The following RNGTT variants were observed in gnomAD, a reference collection of about 807,000 sequenced individuals.
RNGTT encodes the protein mRNA-capping enzyme.
RNGTT carries 33 observed loss-of-function variants against 79.3 expected under a neutral mutation model. The ratio of observed to expected loss-of-function variants is 0.42; its 90% CI spans 0.32 to 0.56. RNGTT has a LOEUF of 0.56. Among genes scored for constraint, RNGTT ranks in the 20% least tolerant of loss-of-function variants. The probability of loss-of-function intolerance (pLI) is 0.17; values close to 1 mark genes in which losing one functional copy is unlikely to be tolerated. For synonymous variants in RNGTT, 222 were observed against 235.9 expected (o/e 0.94, Z 0.54); for missense variants, 497 against 739.1 (o/e 0.67, Z 3.80).
chr6:88,673,104 G>C (rs917927356), intron 14 of RNGTT, among the ~76,000 whole-genome samples: 36 of 152,048 alleles, frequency 2.4e-4, no homozygotes, highest in African/African-American at 7.7e-4. Context: ...AATATCTCTA[G>C]CAAACACTGC....
chr6:88,886,538 T>C (rs1782868763), intron 8 of RNGTT, among the ~76,000 whole-genome samples: 1 of 152,224 alleles, frequency 6.6e-6, no homozygotes, highest in African/African-American at 2.4e-5. Flanking sequence ...TGGAAATTCT[T>C]TGTACTATTT....
In RNGTT at chr6:88,810,223, A is replaced by G. The variant is rs547614837; in HGVS notation, c.1270-8591T>C. 2.6e-5 allele frequency among the ~76,000 whole-genome samples: 4 copies of G among 152,332 alleles called. No individual in the cohort carries two copies. The South Asian group carries it at 8.3e-4, about 32-fold the overall frequency. ...CTGAGATAGTGTACACAATAAAAAC[A>G]ACTTCTCCCCTCCTAAGGCTAAGAC... On this transcript the variant is annotated intron_variant, in intron 11 of 15. Coordinates refer to ENST00000369485, the MANE Select transcript of RNGTT (RefSeq NM_003800.5).
At chr6:88,705,105 C>A (rs1012011474) in intron 13 of RNGTT, among the ~76,000 whole-genome samples, 4 of 152,124 alleles carry the variant, frequency 2.6e-5, no homozygotes, top group Non-Finnish European at 4.4e-5. Flanking sequence ...CCTTTAGATG[C>A]ACTATGACTC....
chr6:88,662,037 A>G (rs1253406304), intron 14 of RNGTT, among the ~76,000 whole-genome samples: 1 of 152,214 alleles, frequency 6.6e-6, no homozygotes, highest in East Asian at 1.9e-4. Flanking sequence ...AATGTGATAC[A>G]CCACATAAAC....
intron 11 of RNGTT, among the ~76,000 whole-genome samples, chr6:88,843,936 C>CTA (rs991810000): frequency 1.6e-4 from 23 of 147,374 alleles, no homozygotes; most frequent in South Asian, 6.7e-4. Context: ...GTATATATAT[C>CTA]TATATATATA....
At chr6:88,884,034 C>T (rs1329639555) in intron 8 of RNGTT, among the ~76,000 whole-genome samples, 1 of 152,198 alleles carries the variant, frequency 6.6e-6, no homozygotes, top group African/African-American at 2.4e-5. Flanking sequence ...GGCATTCTCA[C>T]AAACTGCCTG....
chr6:88,661,582 A>G (rs2127782020), intron 14 of RNGTT, among the ~76,000 whole-genome samples: 1 of 152,322 alleles, frequency 6.6e-6, no homozygotes, highest in Non-Finnish European at 1.5e-5. Context: ...GAGGAGAGGG[A>G]TAAATTCCTG....
chr6:88,852,281 T>C (rs1479227700), intron 9 of RNGTT, among the ~76,000 whole-genome samples: 3 of 152,154 alleles, frequency 2.0e-5, no homozygotes, highest in African/African-American at 4.8e-5. Context: ...CAACTCATAA[T>C]AGGCACTCAA....
chr6:88,799,043 A>G (rs1443108993), intron 12 of RNGTT, among the ~76,000 whole-genome samples: 1 of 152,202 alleles, frequency 6.6e-6, no homozygotes, highest in African/African-American at 2.4e-5. Flanking sequence ...AGTGTACTAG[A>G]AGTAGCAATA....
At chr6:88,811,671 T>A (rs574819040) in intron 11 of RNGTT, among the ~76,000 whole-genome samples, 25 of 152,274 alleles carry the variant, frequency 1.6e-4, no homozygotes, top group African/African-American at 6.0e-4. Flanking sequence ...CAATCTCCAA[T>A]GTTATTAGAA....
chr6:88,833,749 C>T (rs1053637387), intron 11 of RNGTT, among the ~76,000 whole-genome samples: 1 of 152,156 alleles, frequency 6.6e-6, no homozygotes, highest in East Asian at 1.9e-4. Flanking sequence ...TTTGACAGAG[C>T]ATGGTGGCTC....
chr6:88,755,959 C>CAAAAAAAAAAA (rs1157096180), intron 13 of RNGTT, among the ~76,000 whole-genome samples: 1 of 30,526 alleles, frequency 3.3e-5, no homozygotes, highest in African/African-American at 1.0e-4. Context: ...GACTCCGTCT[C>CAAAAAAAAAAA]AAAAAAAAAA....
At position 88,844,398 on chromosome 6, in the gene RNGTT, C is replaced by T. The variant is rs772588621; in HGVS notation, c.1228G>A (p.Val410Ile). 1.5e-5 allele frequency: 25 copies of T among 1,613,762 alleles called. No individual in the cohort carries two copies. The highest frequency in any genetic ancestry group is 1.0e-4 in the Admixed American group (6 of 59,970). The part of the protein sequence containing the change: ...LIDKTQEPFS[V>I]RNKPFFDICT... The stretch of plus-strand genomic sequence containing the variant: ...ATGTCAAAAAACGGCTTATTTCTGA[C>T]GCTAAATGGTTCCTGTGTTTTGTCA... Residue 410 changes from valine to isoleucine, a missense_variant, in exon 11 of 16, where the codon GTC becomes ATC. Val to Ile is a conservative substitution (Grantham distance 29). Coordinates refer to ENST00000369485, the MANE Select transcript of RNGTT (RefSeq NM_003800.5).
intron 10 of RNGTT, among the ~76,000 whole-genome samples, chr6:88,848,658 T>C (rs1582538922): frequency 7.0e-6 from 1 of 143,112 alleles, no homozygotes; most frequent in Non-Finnish European, 1.5e-5. Flanking sequence ...GAATATCATA[T>C]ATATTTCATG....
chr6:88,638,151 A>T (rs1773169962), intron 14 of RNGTT, among the ~76,000 whole-genome samples: 1 of 152,170 alleles, frequency 6.6e-6, no homozygotes, highest in Non-Finnish European at 1.5e-5. Flanking sequence ...AAAAAAGCAC[A>T]AGAGCCAAAA....
At chr6:88,745,984 T>C (rs1463377558) in intron 13 of RNGTT, among the ~76,000 whole-genome samples, 1 of 152,136 alleles carries the variant, frequency 6.6e-6, no homozygotes, top group Non-Finnish European at 1.5e-5. Context: ...CAGGTACAAA[T>C]GTCAGGCTTT....
intron 11 of RNGTT, among the ~76,000 whole-genome samples, chr6:88,803,254 T>TA (rs1054353225): frequency 1.3e-4 from 20 of 151,426 alleles, no homozygotes; most frequent in African/African-American, 4.9e-4. Flanking sequence ...GCTTGGGGGG[T>TA]AGTCTTTAAT....
chr6:88,748,753 G>T (rs145376753), intron 13 of RNGTT, among the ~76,000 whole-genome samples: 1 of 151,574 alleles, frequency 6.6e-6, no homozygotes, highest in Non-Finnish European at 1.5e-5. Flanking sequence ...GTGAAATGCC[G>T]GAAGCAAAGA....
At chr6:88,749,534 T>A (rs1016970129) in intron 13 of RNGTT, among the ~76,000 whole-genome samples, 7 of 151,412 alleles carry the variant, frequency 4.6e-5, no homozygotes, top group African/African-American at 1.7e-4. Flanking sequence ...ATAGAAAAAG[T>A]AGGACAAATA....
Sources: allele counts gnomAD v4.1 joint callset (sites outside exome capture counted in the v4.1 genomes callset), GRCh38; gene constraint gnomAD v4.1.1; transcripts MANE v1.5; gene names NCBI Gene and HGNC (gene_info 2026-07-23, HGNC 2026-07-21).